The following SOX5 variants were observed in gnomAD, a reference collection of about 807,000 sequenced individuals.
SOX5 encodes the protein transcription factor SOX-5.
Under a neutral mutation model 92.0 loss-of-function variants are expected in SOX5, and 9 were observed. The ratio of observed to expected loss-of-function variants is 0.10; its 90% CI spans 0.06 to 0.17. The LOEUF is 0.17. Among genes scored for constraint, SOX5 ranks in the 10% least tolerant of loss-of-function variants. The probability of loss-of-function intolerance (pLI) is 1.00; values close to 1 mark genes in which losing one functional copy is unlikely to be tolerated. For synonymous variants in SOX5, 344 were observed against 336.3 expected, an observed-to-expected ratio of 1.02 and a Z score of -0.25; for missense variants, 642 against 944.5, an observed-to-expected ratio of 0.68 and a Z score of 4.20.
intron 8 of SOX5, among the ~76,000 whole-genome samples, chr12:23,614,698 G>A (rs2076346690): frequency 6.6e-6 from 1 of 152,094 alleles, no homozygotes. Flanking sequence ...TGAGTAATGT[G>A]GTATCTTCAT....
At chr12:23,718,753 G>T (rs1208348116) in intron 6 of SOX5, among the ~76,000 whole-genome samples, 1 of 152,064 alleles carries the variant, frequency 6.6e-6, no homozygotes, top group African/African-American at 2.4e-5. Context: ...CAAAATGAAA[G>T]CAACCAAAGT....
intron 11 of SOX5, among the ~76,000 whole-genome samples, chr12:23,562,219 A>G (rs937454563): frequency 2.0e-5 from 3 of 152,138 alleles, no homozygotes; most frequent in African/African-American, 7.2e-5. Context: ...TCTCCCCTGG[A>G]CACACGATAG....
intron 6 of SOX5, among the ~76,000 whole-genome samples, chr12:23,720,322 T>C (rs550938731): frequency 9.2e-5 from 14 of 152,298 alleles, no homozygotes; most frequent in Admixed American, 2.6e-4. Context: ...AATTGTATAA[T>C]GGGAAAATAT....
At chr12:24,345,166 T>C (rs1320518987) in intron 2 of SOX5, among the ~76,000 whole-genome samples, 3 of 152,176 alleles carry the variant, frequency 2.0e-5, no homozygotes, top group Non-Finnish European at 4.4e-5. Context: ...TTCTGGTATA[T>C]TAGACATGGA....
rs200614597 is a variant in SOX5, at chr12:24,100,650, A to AT, written c.-2+112692dup. On this transcript the variant is annotated intron_variant, in intron 4 of 4. Coordinates refer to the SOX5 transcript ENST00000446891. Reference sequence around the variant, plus strand: ...GAACAAATTTATGTCTCTAACCCAAATTTTTTCCACTGATCTCTGGATTCT... The same window carrying AT: ...GAACAAATTTATGTCTCTAACCCAAATTTTTTTCCACTGATCTCTGGATTCT... Among the ~76,000 whole-genome samples, 1,064 of 152,086 alleles carry AT rather than the reference A, an allele frequency of 7.0e-3. 11 individuals carry two copies. Among genetic ancestry groups the AT allele is most frequent in the African/African-American group, 0.024 (1,012 of 41,488 alleles).
intron 4 of SOX5, among the ~76,000 whole-genome samples, chr12:24,057,037 T>C (rs1472586408): frequency 2.0e-5 from 3 of 150,506 alleles, no homozygotes; most frequent in Non-Finnish European, 4.4e-5. Flanking sequence ...GGCCTCTCTG[T>C]TCATGTTACA....
intron 3 of SOX5, among the ~76,000 whole-genome samples, chr12:23,806,582 T>TAAAAA (rs35340250): frequency 1.4e-5 from 1 of 70,448 alleles, no homozygotes. Flanking sequence ...CTTTTTCCAC[T>TAAAAA]AAAAAAAAAA....
chr12:24,117,396 T>C (rs1357262702), intron 4 of SOX5, among the ~76,000 whole-genome samples: 1 of 152,156 alleles, frequency 6.6e-6, no homozygotes, highest in Non-Finnish European at 1.5e-5. Flanking sequence ...TGGAGAACAG[T>C]ATGGAGGTTC....
intron 6 of SOX5, among the ~76,000 whole-genome samples, chr12:23,713,734 AATATAC>A (rs2092267176): frequency 6.8e-6 from 1 of 146,578 alleles, no homozygotes; most frequent in Admixed American, 6.8e-5. Flanking sequence ...TTATATATAT[AATATAC>A]ATATATATGC....
intron 2 of SOX5, among the ~76,000 whole-genome samples, chr12:24,320,313 A>C (rs558384768): frequency 9.2e-5 from 14 of 152,152 alleles, no homozygotes; most frequent in Non-Finnish European, 1.9e-4. Flanking sequence ...CTCTTTACCA[A>C]GTTTTCCTTT....
intron 10 of SOX5, among the ~76,000 whole-genome samples, 199 bp from the exon 11 acceptor site, chr12:23,563,602 G>A (rs1038089988): frequency 2.6e-5 from 4 of 152,136 alleles, no homozygotes; most frequent in African/African-American, 7.2e-5. Flanking sequence ...TTTCCAATAT[G>A]TTCAAATATC....
At chr12:23,845,949 C>T (rs2096570450) in intron 3 of SOX5, 34 bp downstream of exon 3, 2 of 1,500,296 alleles carry the variant, frequency 1.3e-6, no homozygotes, top group Non-Finnish European at 1.9e-6. Flanking sequence ...AATCAGGACA[C>T]AGCATCAACT....
chr12:23,709,700 G>T (rs906636195), intron 6 of SOX5, among the ~76,000 whole-genome samples: 1 of 152,196 alleles, frequency 6.6e-6, no homozygotes, highest in Admixed American at 6.5e-5. Context: ...TCTCCTACTG[G>T]TTAGGAGGTT....
chr12:23,598,008 T>C (rs890565453), intron 9 of SOX5, among the ~76,000 whole-genome samples: 1 of 152,182 alleles, frequency 6.6e-6, no homozygotes, highest in Non-Finnish European at 1.5e-5. Flanking sequence ...AGTGATTTGA[T>C]GCTGATATGT....
chr12:23,540,143 TG>T (rs1414798069), intron 13 of SOX5, among the ~76,000 whole-genome samples: 2 of 151,228 alleles, frequency 1.3e-5, no homozygotes, highest in African/African-American at 4.9e-5. Context: ...TGGGGGTGGC[TG>T]GCTGCTTACT....
chr12:23,784,475 C>T (rs539368076), intron 3 of SOX5, among the ~76,000 whole-genome samples: 3 of 151,960 alleles, frequency 2.0e-5, no homozygotes, highest in South Asian at 2.1e-4. Flanking sequence ...TACAGGCACC[C>T]GCCACCACGC....
At chr12:23,604,969 A>G (rs1185569119) in intron 8 of SOX5, among the ~76,000 whole-genome samples, 2 of 152,196 alleles carry the variant, frequency 1.3e-5, no homozygotes, top group Middle Eastern at 3.4e-3. Context: ...TGAAATGGGC[A>G]CCCGAAACAA....
At chr12:24,417,797 G>C (rs1050545776) in intron 1 of SOX5, among the ~76,000 whole-genome samples, 2 of 152,150 alleles carry the variant, frequency 1.3e-5, no homozygotes, top group African/African-American at 4.8e-5. Context: ...GGTGGTGCTA[G>C]AGCCAGGACA....
chr12:24,180,930 G>T lies in SOX5; in HGVS notation c.-2+32413C>A, dbSNP rs528570004. ...ACACAGGAGATGTGAATTTGTAGTT[G>T]AATTCGTCTCAGATCTCCTATGCAT... On this transcript the variant is annotated intron_variant, in intron 4 of 4. Coordinates refer to the SOX5 transcript ENST00000446891. Among the ~76,000 whole-genome samples, 7 of 152,262 alleles carry T rather than the reference G, an allele frequency of 4.6e-5. No homozygotes were observed. In the South Asian group the frequency reaches 1.2e-3, roughly 27 times the overall value.
Sources: gnomAD v4.1 joint callset for allele counts (sites outside exome capture counted in the v4.1 genomes callset) on GRCh38, gnomAD v4.1.1 for gene constraint, MANE v1.5 for transcripts, NCBI Gene and HGNC (gene_info 2026-07-23, HGNC 2026-07-21) for gene names.